The following RPS6KC1 variants were observed in gnomAD, a reference collection of about 807,000 sequenced individuals.
The protein encoded by RPS6KC1 is inactive ribosomal protein S6 kinase delta-1.
RPS6KC1 carries 54 observed loss-of-function variants against 103.8 expected under a neutral mutation model. The ratio of observed to expected loss-of-function variants is 0.52; its 90% CI spans 0.42 to 0.65. RPS6KC1 has a LOEUF of 0.65. Ranked by LOEUF, RPS6KC1 falls within the 30% of genes least tolerant of loss-of-function variation. The probability of loss-of-function intolerance (pLI) is 0.00; values close to 1 mark genes in which losing one functional copy is unlikely to be tolerated. For synonymous variants in RPS6KC1, 439 were observed against 438.7 expected (o/e 1.00, Z -0.01); for missense variants, 1,151 against 1,253.8 (o/e 0.92, Z 1.24).
the RPS6KC1 span, among the ~76,000 whole-genome samples, chr1:213,781,038 C>A: frequency 6.6e-6 from 1 of 151,990 alleles, no homozygotes; most frequent in Non-Finnish European, 1.5e-5. Flanking sequence ...AAAAAACAAA[C>A]AACAAACAAA....
the RPS6KC1 span, among the ~76,000 whole-genome samples, chr1:213,340,865 T>A: frequency 1.3e-5 from 2 of 152,204 alleles, no homozygotes; most frequent in Admixed American, 6.5e-5. Context: ...CCTGTGTGAT[T>A]GGGGGCAGGA....
intron 6 of RPS6KC1, among the ~76,000 whole-genome samples, chr1:213,154,821 G>A (rs1346727174): frequency 6.6e-6 from 1 of 152,206 alleles, no homozygotes; most frequent in Admixed American, 6.5e-5. Flanking sequence ...TCAAGCAGAA[G>A]GAGTTTTGCT....
the RPS6KC1 span, among the ~76,000 whole-genome samples, chr1:213,680,114 A>C: frequency 6.6e-6 from 1 of 152,202 alleles, no homozygotes; most frequent in African/African-American, 2.4e-5. Context: ...ACGATCCAGA[A>C]TGTCTCTAAA....
the RPS6KC1 span, among the ~76,000 whole-genome samples, chr1:213,709,603 GTGATTTTA>G: frequency 6.6e-6 from 1 of 151,696 alleles, no homozygotes; most frequent in African/African-American, 2.4e-5. Flanking sequence ...GCTTTTATTT[GTGATTTTA>G]GGGTGTCAAT....
chr1:213,207,590 T>G (rs759021212), intron 8 of RPS6KC1, among the ~76,000 whole-genome samples: 54 of 152,288 alleles, frequency 3.5e-4, no homozygotes, highest in Non-Finnish European at 1.0e-4. Flanking sequence ...GTATAAAAAC[T>G]TCAGTCATTT....
intron 12 of RPS6KC1, among the ~76,000 whole-genome samples, chr1:213,245,635 T>C (rs553446305): frequency 1.3e-5 from 2 of 152,338 alleles, no homozygotes; most frequent in Non-Finnish European, 2.9e-5. Context: ...TTGTGGATGA[T>C]GTGCCTTTAT....
intron 1 of RPS6KC1, among the ~76,000 whole-genome samples, chr1:213,058,059 C>G (rs542144991): frequency 6.3e-5 from 7 of 111,948 alleles, no homozygotes; most frequent in African/African-American, 2.8e-4. Flanking sequence ...TGCGCCTGAC[C>G]TTTTTTTTTT....
chr1:213,123,793 C>G (rs893033678), intron 5 of RPS6KC1, among the ~76,000 whole-genome samples: 3 of 152,088 alleles, frequency 2.0e-5, no homozygotes, highest in Admixed American at 1.3e-4. Flanking sequence ...ATATTTGAAC[C>G]TCAGGGCTCA....
chr1:213,270,642 A>G (rs1475141411), intron 14 of RPS6KC1, among the ~76,000 whole-genome samples: 3 of 152,154 alleles, frequency 2.0e-5, no homozygotes, highest in African/African-American at 7.2e-5. Context: ...AAAAATTTTA[A>G]AGAAGGAAAA....
intron 10 of RPS6KC1, 139 bp downstream of exon 10, chr1:213,232,394 C>T: frequency 3.8e-6 from 4 of 1,057,164 alleles, no homozygotes; most frequent in Admixed American, 2.0e-5. Flanking sequence ...GCTCTACCTC[C>T]CTACTTTGAG....
At chr1:213,363,802 CTTTCTTTCT>C in the RPS6KC1 span, among the ~76,000 whole-genome samples, 747 of 71,116 alleles carry the variant, frequency 0.011, 115 homozygotes, top group African/African-American at 0.045. Flanking sequence ...TTCTTTCTTT[CTTTCTTTCT>C]TTCTTCTCTC....
At chr1:213,439,388 C>T in the RPS6KC1 span, among the ~76,000 whole-genome samples, 5 of 143,076 alleles carry the variant, frequency 3.5e-5, no homozygotes, top group South Asian at 7.2e-4. Context: ...GTTAAATTGA[C>T]GATTAATTTT....
chr1:213,051,638 C>A, intron 1 of RPS6KC1, 129 bp downstream of exon 1: 1 of 651,810 alleles, frequency 1.5e-6, no homozygotes, highest in South Asian at 1.9e-5. Flanking sequence ...CTCCTACTGG[C>A]GGGACTTGGG....
the RPS6KC1 span, among the ~76,000 whole-genome samples, chr1:213,567,032 T>C: frequency 1.3e-5 from 2 of 152,194 alleles, no homozygotes; most frequent in Non-Finnish European, 2.9e-5. Context: ...TTGAGAAACA[T>C]TATTTCCCTT....
the RPS6KC1 span, among the ~76,000 whole-genome samples, chr1:213,309,308 C>A: frequency 4.6e-5 from 7 of 151,782 alleles, no homozygotes; most frequent in African/African-American, 1.5e-4. Context: ...CAAACAAAAA[C>A]AAACAAACAA....
chr1:213,252,460 T>C (rs1413085647), intron 12 of RPS6KC1, among the ~76,000 whole-genome samples: 1 of 152,222 alleles, frequency 6.6e-6, no homozygotes, highest in African/African-American at 2.4e-5. Context: ...ACAACATTTC[T>C]AATTGAACAC....
chr1:213,283,499 T>C, the RPS6KC1 span, among the ~76,000 whole-genome samples: 1 of 152,174 alleles, frequency 6.6e-6, no homozygotes, highest in Non-Finnish European at 1.5e-5. Flanking sequence ...ACTTCTAACT[T>C]GACCTGAGAA....
the RPS6KC1 span, among the ~76,000 whole-genome samples, chr1:213,455,057 T>C: frequency 6.6e-6 from 1 of 152,168 alleles, no homozygotes; most frequent in African/African-American, 2.4e-5. Flanking sequence ...CTGACTCCCA[T>C]GTGGACATTG....
chr1:213,245,565 T>C (rs555703206), intron 12 of RPS6KC1, among the ~76,000 whole-genome samples: 1 of 152,310 alleles, frequency 6.6e-6, no homozygotes, highest in Non-Finnish European at 1.5e-5. Context: ...CACATATTTG[T>C]CCTGAAAACA....
Sources: gnomAD v4.1 joint callset for allele counts (sites outside exome capture counted in the v4.1 genomes callset) on GRCh38, gnomAD v4.1.1 for gene constraint, MANE v1.5 for transcripts, NCBI Gene and HGNC (gene_info 2026-07-23, HGNC 2026-07-21) for gene names.